The following MEF2A variants were observed in gnomAD, a reference collection of about 807,000 sequenced individuals.
MEF2A encodes the protein myocyte-specific enhancer factor 2A.
MEF2A carries 28 observed loss-of-function variants against 55.8 expected under a neutral mutation model. That is an observed-to-expected ratio of 0.50 (90% CI 0.37 to 0.69). MEF2A has a LOEUF of 0.69. Ranked by LOEUF, MEF2A falls within the 30% of genes least tolerant of loss-of-function variation. MEF2A has a pLI of 0.00. For synonymous variants in MEF2A, 239 were observed against 227.1 expected (o/e 1.05, Z -0.47); for missense variants, 528 against 626.2 (o/e 0.84, Z 1.67).
chr15:99,633,680 A>G (rs546679553), intron 3 of MEF2A, among the ~76,000 whole-genome samples: 7 of 152,190 alleles, frequency 4.6e-5, no homozygotes, highest in Non-Finnish European at 8.8e-5. Flanking sequence ...GTTTTAATTG[A>G]TAAAATATAT....
intron 2 of MEF2A, among the ~76,000 whole-genome samples, chr15:99,628,609 C>T (rs989658194): frequency 6.6e-6 from 1 of 152,126 alleles, no homozygotes; most frequent in Admixed American, 6.5e-5. Context: ...GCATCCCTGA[C>T]TTTAAGGTCT....
intron 3 of MEF2A, among the ~76,000 whole-genome samples, chr15:99,638,682 T>G (rs2044332376): frequency 1.3e-5 from 2 of 152,306 alleles, no homozygotes; most frequent in Middle Eastern, 3.4e-3. Context: ...GTCATCCATT[T>G]TCTCCATTTT....
At chr15:99,640,177 T>C (rs1483589800) in intron 3 of MEF2A, among the ~76,000 whole-genome samples, 1 of 152,228 alleles carries the variant, frequency 6.6e-6, no homozygotes, top group African/African-American at 2.4e-5. Context: ...CAGATAACTC[T>C]CATTGTTGTG....
rs1166488353 is a variant in MEF2A, at chr15:99,712,787, G to A, written c.*16G>A. On this transcript the variant is annotated 3_prime_UTR_variant, in exon 12 of 12. Coordinates refer to ENST00000557942, the MANE Select transcript of MEF2A (RefSeq NM_001319206.4). This position sits in a 1 kb window ranked among gnomAD's most constrained non-coding sequence, Gnocchi z 4.1. ...GGTGACCTAAGGCTTCCAAGCTGAT[G>A]TTTGTACTTTTGTGTTACTGCAGTG... The A allele has an allele frequency of 3.2e-6, 5 of 1,549,856 alleles. No homozygotes were observed. Among genetic ancestry groups the A allele is most frequent in the Non-Finnish European group, 4.4e-6 (5 of 1,145,238 alleles).
chr15:99,690,673 G>T, intron 8 of MEF2A: 2 of 586,130 alleles, frequency 3.4e-6, no homozygotes, highest in Non-Finnish European at 6.4e-6. Context: ...GGAACTGGAG[G>T]TTATTGTGTT....
At chr15:99,610,951 A>G (rs1334917790) in intron 2 of MEF2A, among the ~76,000 whole-genome samples, 1 of 152,254 alleles carries the variant, frequency 6.6e-6, no homozygotes, top group African/African-American at 2.4e-5. Context: ...GACACTATCA[A>G]GGAAATGAGG....
At chr15:99,577,551 A>G (rs183595046) in intron 1 of MEF2A, among the ~76,000 whole-genome samples, 1 of 152,202 alleles carries the variant, frequency 6.6e-6, no homozygotes, top group South Asian at 2.1e-4. Context: ...AATAAGCTTT[A>G]ATGTTGGACA....
intron 3 of MEF2A, among the ~76,000 whole-genome samples, chr15:99,640,262 A>G (rs2044642987): frequency 6.6e-6 from 1 of 152,180 alleles, no homozygotes; most frequent in Admixed American, 6.5e-5. Flanking sequence ...ATGTACCACA[A>G]TGGTGGATTT....
intron 2 of MEF2A, among the ~76,000 whole-genome samples, chr15:99,604,430 G>A (rs1030120392): frequency 6.6e-6 from 1 of 151,470 alleles, no homozygotes; most frequent in Non-Finnish European, 1.5e-5. Context: ...TCCCATCCAG[G>A]GTGTTTTTAA....
At chr15:99,645,099 C>T (rs962574503) in intron 3 of MEF2A, among the ~76,000 whole-genome samples, 5 of 152,014 alleles carry the variant, frequency 3.3e-5, no homozygotes, top group Non-Finnish European at 7.4e-5. Flanking sequence ...TTGCTGATCC[C>T]AGACTGTGAA....
chr15:99,599,699 G>A (rs1972350313), intron 2 of MEF2A, among the ~76,000 whole-genome samples: 1 of 152,066 alleles, frequency 6.6e-6, no homozygotes, highest in Non-Finnish European at 1.5e-5. Flanking sequence ...TAGGTGGGAT[G>A]GGAACAGTGG....
intron 1 of MEF2A, among the ~76,000 whole-genome samples, chr15:99,578,353 C>A (rs543173021): frequency 6.6e-6 from 1 of 152,296 alleles, no homozygotes; most frequent in Non-Finnish European, 1.5e-5. Flanking sequence ...TCAGATCGTT[C>A]TGCTTTGGCA....
At chr15:99,647,865 G>T (rs1266007794) in intron 4 of MEF2A, among the ~76,000 whole-genome samples, 1 of 152,088 alleles carries the variant, frequency 6.6e-6, no homozygotes, top group Non-Finnish European at 1.5e-5. Context: ...AAATTACAAG[G>T]CTTAATTCAC....
chr15:99,688,495 T>C (rs2054732272), intron 7 of MEF2A, among the ~76,000 whole-genome samples: 1 of 152,202 alleles, frequency 6.6e-6, no homozygotes, highest in Non-Finnish European at 1.5e-5. Context: ...CGTTGGCTCA[T>C]GCCTGTAATC....
At chr15:99,609,244 T>C (rs1275510099) in intron 2 of MEF2A, among the ~76,000 whole-genome samples, 2 of 152,250 alleles carry the variant, frequency 1.3e-5, no homozygotes, top group Admixed American at 6.5e-5. Context: ...ATTATTTTTC[T>C]CAATGCTGTG....
In MEF2A at chr15:99,602,426, A is replaced by C. The variant is rs186804831; in HGVS notation, c.-143+3915A>C. ...CCTTAACAGTCCAATGTCCCTAGGA[A>C]GTCATATACCAGTTAAACGCTACCA... On this transcript the variant is annotated intron_variant, in intron 2 of 11. Coordinates refer to ENST00000557942, the MANE Select transcript of MEF2A (RefSeq NM_001319206.4). Among the ~76,000 whole-genome samples, 101 of 152,170 alleles carry C rather than the reference A, an allele frequency of 6.6e-4. 1 individual carries two copies. The highest frequency in any genetic ancestry group is 2.1e-4 in the Non-Finnish European group (14 of 68,006).
At chr15:99,703,502 T>A in intron 9 of MEF2A, 117 bp downstream of exon 9, 1 of 951,080 alleles carries the variant, frequency 1.1e-6, no homozygotes, top group Non-Finnish European at 1.5e-6. Flanking sequence ...TAAACACTAT[T>A]CAAACACTTT....
At chr15:99,628,355 A>G (rs1849577312) in intron 2 of MEF2A, among the ~76,000 whole-genome samples, 1 of 152,156 alleles carries the variant, frequency 6.6e-6, no homozygotes, top group African/African-American at 2.4e-5. Flanking sequence ...GTCCTCTGTA[A>G]TCATCATATA....
At chr15:99,575,809 C>T (rs1161091956) in intron 1 of MEF2A, among the ~76,000 whole-genome samples, 1 of 152,160 alleles carries the variant, frequency 6.6e-6, no homozygotes, top group Non-Finnish European at 1.5e-5. Context: ...TTAAAGAAGA[C>T]CTTGTCCTAT....
Sources: allele counts gnomAD v4.1 joint callset (sites outside exome capture counted in the v4.1 genomes callset), GRCh38; gene constraint gnomAD v4.1.1; non-coding constraint Gnocchi (gnomAD v3.1); transcripts MANE v1.5; gene names NCBI Gene and HGNC (gene_info 2026-07-23, HGNC 2026-07-21).